PRPF18: variants seen among roughly 807,000 people sequenced by gnomAD.
PRPF18 encodes the protein pre-mRNA-splicing factor 18.
A neutral mutation model predicts 46.5 loss-of-function variants in PRPF18; 38 were observed. The observed-to-expected ratio is 0.82, with a 90% CI of 0.63 to 1.07. The LOEUF is 1.07. Among genes scored for constraint, PRPF18 ranks in the 50% least tolerant of loss-of-function variants. The pLI, the probability that PRPF18 is intolerant of heterozygous loss-of-function variation, is 0.00. For missense variants in PRPF18, 263 were observed against 410.0 expected, an observed-to-expected ratio of 0.64 and a Z score of 3.10; for synonymous variants, 152 against 146.7, an observed-to-expected ratio of 1.04 and a Z score of -0.26.
At chr10:13,654,577 G>A in the PRPF18 span, 6 of 1,024,358 alleles carry the variant, frequency 5.9e-6, no homozygotes, top group Non-Finnish European at 7.5e-6. Context: ...GAAAGAGCTT[G>A]CGACTTGTTG....
chr10:13,613,016 A>G (rs2080294204), intron 6 of PRPF18, among the ~76,000 whole-genome samples: 1 of 152,222 alleles, frequency 6.6e-6, no homozygotes. Flanking sequence ...GATACAACAT[A>G]TTATTCATCA....
chr10:13,637,645 T>C, the PRPF18 span, among the ~76,000 whole-genome samples: 2 of 152,212 alleles, frequency 1.3e-5, no homozygotes, highest in African/African-American at 2.4e-5. Flanking sequence ...CTTTTATGCA[T>C]TGGAGAAATA....
At chr10:13,630,900 AG>A (rs914952847), downstream of PRPF18, 1 of 152,226 alleles carries the variant, frequency 6.6e-6, no homozygotes, top group African/African-American at 2.4e-5. Flanking sequence ...TGCATTTCAA[AG>A]CTTGCTTTTA....
downstream of PRPF18, among the ~76,000 whole-genome samples, chr10:13,635,259 T>C (rs1449128976): frequency 6.6e-6 from 1 of 152,232 alleles, no homozygotes; most frequent in Non-Finnish European, 1.5e-5. Context: ...TATTCCATAG[T>C]GTATATGTAC....
At chr10:13,600,393 T>A (rs750703935) in intron 3 of PRPF18, 45 bp downstream of exon 3, 11 of 1,397,114 alleles carry the variant, frequency 7.9e-6, no homozygotes, top group Non-Finnish European at 6.9e-6. Context: ...ATCTCCACGG[T>A]GTTTACATTT....
intron 9 of PRPF18, among the ~76,000 whole-genome samples, chr10:13,627,016 T>G (rs1159723243): frequency 6.6e-6 from 1 of 152,190 alleles, no homozygotes; most frequent in East Asian, 1.9e-4. Context: ...GTCTTCTCTC[T>G]GGTCCCTGAG....
At chr10:13,636,497 A>G in the PRPF18 span, among the ~76,000 whole-genome samples, 1 of 152,192 alleles carries the variant, frequency 6.6e-6, no homozygotes, top group Non-Finnish European at 1.5e-5. Context: ...GTTACGCGTC[A>G]AGTGTCTGTT....
chr10:13,641,542 G>C, the PRPF18 span: 2 of 152,338 alleles, frequency 1.3e-5, no homozygotes, highest in East Asian at 3.9e-4. Flanking sequence ...CAATAATAAA[G>C]GGAAGGAGTC....
chr10:13,597,004 C>T (rs563268358), intron 1 of PRPF18, among the ~76,000 whole-genome samples: 48 of 152,278 alleles, frequency 3.2e-4, no homozygotes, highest in African/African-American at 1.1e-3. Flanking sequence ...AAAGAACTTA[C>T]ACTCCTGGAG....
At chr10:13,635,192 A>G (rs2080626498), downstream of PRPF18, among the ~76,000 whole-genome samples, 1 of 152,162 alleles carries the variant, frequency 6.6e-6, no homozygotes, top group South Asian at 2.1e-4. Context: ...AATGGCCTCC[A>G]GCTCCATCCA....
chr10:13,630,306 A>T lies in PRPF18; in HGVS notation c.995A>T (p.Asp332Val), dbSNP rs766372428. ...MTICQKHFPTDPSKCVEYNAL is the reference protein window; with the variant it reads ...MTICQKHFPTVPSKCVEYNAL ...ATTTGCCAGAAACACTTTCCTACAG[A>T]CCCATCCAAATGTGTGGAGTACAAT... Residue 332 changes from aspartate (D) to valine (V), a missense_variant, in exon 10 of 10, where the codon GAC becomes GTC. Physicochemically the swap from Asp to Val is radical, Grantham distance 152. This residue lies in a region of PRPF18 where 20 missense variants were observed against 21.5 expected (regional missense o/e 0.93). Transcript: ENST00000378572. 26 of 1,612,562 alleles carry T rather than the reference A, an allele frequency of 1.6e-5. No individual in the cohort carries two copies. The highest frequency in any genetic ancestry group is 2.2e-5 in the Non-Finnish European group (26 of 1,178,610).
chr10:13,616,980 A>G (rs2080351205), intron 9 of PRPF18, among the ~76,000 whole-genome samples: 1 of 152,226 alleles, frequency 6.6e-6, no homozygotes, highest in Non-Finnish European at 1.5e-5. Context: ...TATGGAGAGT[A>G]AAGACTTGGC....
intron 1 of PRPF18, 36 bp downstream of exon 1, chr10:13,587,188 G>C (rs1163980502): frequency 8.2e-6 from 13 of 1,583,076 alleles, no homozygotes; most frequent in Middle Eastern, 1.7e-4. Context: ...CGGGATGTAA[G>C]AGTGAGAGTA....
intron 2 of PRPF18, chr10:13,597,797 A>ATTT: frequency 7.6e-5 from 33 of 434,952 alleles, no homozygotes; most frequent in Non-Finnish European, 1.0e-4. Flanking sequence ...CAAAGCTTGA[A>ATTT]TTTTTTTTTT....
At position 13,587,010 on chromosome 10, in the gene PRPF18, G is replaced by C. The variant is rs779336224; in HGVS notation, c.-77G>C. The C allele has an allele frequency of 1.8e-5, 26 of 1,470,904 alleles. No homozygotes were observed. Among genetic ancestry groups the C allele is most frequent in the Middle Eastern group, 1.7e-4 (1 of 5,842 alleles). 91.1% of individuals were successfully genotyped at this position (1,470,904 alleles called of 1,614,324 possible). On this transcript the variant is annotated 5_prime_UTR_variant, in exon 1 of 10. Coordinates refer to ENST00000378572, the MANE Select transcript of PRPF18 (RefSeq NM_003675.4). ...GCTTGTTGTTCCGTATACTCAGTGG[G>C]TTCGCGGCCGCCGGCCCAGTGAGGC... is the stretch of plus-strand genomic sequence containing the variant.
chr10:13,587,035 C>G lies in PRPF18; in HGVS notation c.-52C>G, dbSNP rs1457773833. The G allele has an allele frequency of 2.5e-6, 4 of 1,585,956 alleles. No individual in the cohort carries two copies. Among genetic ancestry groups the G allele is most frequent in the African/African-American group, 2.7e-5 (2 of 74,176 alleles). The stretch of plus-strand genomic sequence containing the variant: ...GTTCGCGGCCGCCGGCCCAGTGAGG[C>G]TGGGTTCGAGGAGCTGGAGCGGGAA... On this transcript the variant is annotated 5_prime_UTR_variant, in exon 1 of 10. Transcript: ENST00000378572.
downstream of PRPF18, among the ~76,000 whole-genome samples, chr10:13,635,070 C>G (rs2080624843): frequency 6.6e-6 from 1 of 152,112 alleles, no homozygotes; most frequent in Non-Finnish European, 1.5e-5. Context: ...TCCAACAGGC[C>G]CCAGTGTGTG....
At chr10:13,608,373 G>T (rs989886977) in intron 4 of PRPF18, among the ~76,000 whole-genome samples, 12 of 152,288 alleles carry the variant, frequency 7.9e-5, no homozygotes, top group African/African-American at 2.9e-4. Context: ...GGCCAGGCCC[G>T]CTCCCCGACC....
the PRPF18 span, chr10:13,639,643 G>C: frequency 6.6e-6 from 1 of 152,164 alleles, no homozygotes; most frequent in Non-Finnish European, 1.5e-5. Flanking sequence ...TTTAGAACCT[G>C]TTAGTTCATC....
Sources: gnomAD v4.1 joint callset for allele counts (sites outside exome capture counted in the v4.1 genomes callset) on GRCh38, gnomAD v4.1.1 for gene constraint, gnomAD v4.1.1 regional missense constraint, MANE v1.5 for transcripts, NCBI Gene and HGNC (gene_info 2026-07-23, HGNC 2026-07-21) for gene names.